Variants in SYT10 observed in about 807,000 individuals in gnomAD.
SYT10 encodes synaptotagmin 10.
SYT10 carries 31 observed loss-of-function variants against 51.1 expected under a neutral mutation model. The ratio of observed to expected loss-of-function variants is 0.61; its 90% CI spans 0.46 to 0.82. The LOEUF is 0.82. Among genes scored for constraint, SYT10 ranks in the 40% least tolerant of loss-of-function variants. The pLI is 0.00. For synonymous variants in SYT10, 233 were observed against 225.9 expected (o/e 1.03, Z -0.28); for missense variants, 603 against 634.0 (o/e 0.95, Z 0.53).
rs779219152 is a variant in SYT10, at chr12:33,407,214, A to C, written c.652T>G (p.Ser218Ala). The C allele has an allele frequency of 1.9e-6, 3 of 1,614,004 alleles. No homozygotes were observed. In the African/African-American group the frequency reaches 4.0e-5, roughly 22 times the overall value. ...RIKPELYKQK[S>A]VDSEGNQNED... ...TTTTGGTTGCCCTCAGAGTCAACTG[A>C]TTTCTGTTTGTAGAGTTCTGGCTTT... Residue 218 changes from serine (S) to alanine (A), a missense_variant, in exon 3 of 7, where the codon TCA (serine) becomes GCA (alanine). Ser to Ala is a moderately conservative substitution (Grantham distance 99, BLOSUM62 1). Transcript: ENST00000228567.
chr12:33,396,918 G>A (rs1294309939), intron 3 of SYT10, among the ~76,000 whole-genome samples: 3 of 152,246 alleles, frequency 2.0e-5, no homozygotes, highest in Middle Eastern at 3.4e-3. Context: ...GATTACAGGC[G>A]TGAGCCACCG....
chr12:33,396,362 A>G (rs1399823244), intron 3 of SYT10, among the ~76,000 whole-genome samples: 1 of 152,248 alleles, frequency 6.6e-6, no homozygotes, highest in Non-Finnish European at 1.5e-5. Flanking sequence ...TATTTTAAAT[A>G]TAAGAGAACA....
At chr12:33,380,424 G>C (rs1866104258) in intron 5 of SYT10, among the ~76,000 whole-genome samples, 2 of 152,082 alleles carry the variant, frequency 1.3e-5, no homozygotes, top group Admixed American at 6.6e-5. Flanking sequence ...TGATACCTCA[G>C]TGTGTTACCA....
intron 3 of SYT10, among the ~76,000 whole-genome samples, chr12:33,389,033 T>G (rs1298484027): frequency 6.6e-6 from 1 of 152,200 alleles, no homozygotes; most frequent in Admixed American, 6.5e-5. Context: ...AAGTAATCAT[T>G]AGGTTGGGCT....
In SYT10 at chr12:33,375,425, A is replaced by T. The variant is rs996617646; in HGVS notation, c.*1405T>A. 3 of 151,932 alleles carry T rather than the reference A, an allele frequency of 2.0e-5. No individual in the cohort carries two copies. The highest frequency in any genetic ancestry group is 2.9e-5 in the Non-Finnish European group (2 of 67,886). 9.4% of individuals were successfully genotyped at this position (151,932 alleles called of 1,614,324 possible). ...TTTTTATTTTCTTGCCTCTTTTTTTAAAAAAACCACCAATTTTGAAATAAG... is the reference window on the plus strand; with the variant it reads ...TTTTTATTTTCTTGCCTCTTTTTTTTAAAAAACCACCAATTTTGAAATAAG... On this transcript the variant is annotated 3_prime_UTR_variant, in exon 7 of 7. Transcript: ENST00000228567.
At chr12:33,403,345 C>T (rs770153562) in intron 3 of SYT10, among the ~76,000 whole-genome samples, 2 of 151,132 alleles carry the variant, frequency 1.3e-5, no homozygotes, top group Non-Finnish European at 2.9e-5. Flanking sequence ...GATTCTCCTG[C>T]CTCAGCCTCC....
At chr12:33,422,231 C>G (rs1866511732) in intron 2 of SYT10, among the ~76,000 whole-genome samples, 1 of 152,086 alleles carries the variant, frequency 6.6e-6, no homozygotes, top group Admixed American at 6.6e-5. Flanking sequence ...AGTATAACAG[C>G]TTTAATGACT....
At chr12:33,407,914 AAT>A (rs2138416562) in intron 2 of SYT10, 1 of 152,392 alleles carries the variant, frequency 6.6e-6, no homozygotes, top group South Asian at 2.1e-4. Flanking sequence ...GTGGCTGGCC[AAT>A]GTTAATTTTC....
rs752312991 is a variant in SYT10 at position 33,382,506 on chromosome 12, CT to C, written c.1212del (p.Val405CysfsTer3). The C allele has an allele frequency of 2.5e-6, 4 of 1,606,428 alleles. No individual in the cohort carries two copies. Among genetic ancestry groups the C allele is most frequent in the Non-Finnish European group, 1.7e-6 (2 of 1,176,980 alleles). On this transcript the variant is annotated frameshift_variant, in exon 5 of 7. Coordinates refer to ENST00000228567, the MANE Select transcript of SYT10 (RefSeq NM_198992.4). LOFTEE classifies it high-confidence loss of function. ...DITGSSDPYV[K>X]VSLMCEGRRL... ...CTTCGACCTTCACACATCAGGGACA[CT>C]TTGACATAAGGATCTAGGAATAAGA...
chr12:33,406,805 A>G lies in SYT10; in HGVS notation c.1061T>C (p.Ile354Thr), dbSNP rs746724273. 6.2e-7 allele frequency: 1 copy of G among 1,610,258 alleles called. No homozygotes were observed. Among genetic ancestry groups the G allele is most frequent in the Non-Finnish European group, 8.5e-7 (1 of 1,178,670 alleles). ...LSREATVWKDIHCATTESIDL... is the reference protein window; with the variant it reads ...LSREATVWKDTHCATTESIDL... ...ACTACTTACTGTGGTAGCACAGTGA[A>G]TATCTTTCCATACTGTGGCTTCCCT... is the stretch of plus-strand genomic sequence containing the variant. Residue 354 changes from isoleucine to threonine, a missense_variant, in exon 3 of 7, where the codon ATT (isoleucine) becomes ACT (threonine). Coordinates refer to ENST00000228567, the MANE Select transcript of SYT10 (RefSeq NM_198992.4).
chr12:33,413,892 T>C (rs1396733447), intron 2 of SYT10, among the ~76,000 whole-genome samples: 2 of 152,132 alleles, frequency 1.3e-5, no homozygotes, highest in South Asian at 2.1e-4. Context: ...GACTGGCTAA[T>C]TGGATAAAGA....
In SYT10 at chr12:33,406,996, CT is replaced by C. The variant is rs747135559; in HGVS notation, c.869del (p.Lys290ArgfsTer3). 12 of 1,614,096 alleles carry C rather than the reference CT, an allele frequency of 7.4e-6. No homozygotes were observed. Among genetic ancestry groups the C allele is most frequent in the Non-Finnish European group, 1.0e-5 (12 of 1,180,026 alleles). On this transcript the variant is annotated frameshift_variant, in exon 3 of 7. Coordinates refer to ENST00000228567, the MANE Select transcript of SYT10 (RefSeq NM_198992.4). LOFTEE classifies it high-confidence loss of function. ...TTTCATCAAATAGAGGATTTAAAGT[CT>C]TTCTGTGCACGCGGGTCTGAAATTT... ...KKKFQTRVHR[K>X]TLNPLFDETF... is the part of the protein sequence containing the mutation.
intron 3 of SYT10, among the ~76,000 whole-genome samples, chr12:33,399,996 C>A (rs1353750157): frequency 6.6e-6 from 1 of 152,148 alleles, no homozygotes; most frequent in Non-Finnish European, 1.5e-5. Flanking sequence ...ATTGTCCCAA[C>A]CTGCAGGTCG....
chr12:33,400,166 T>C (rs1445880936), intron 3 of SYT10, among the ~76,000 whole-genome samples: 1 of 152,204 alleles, frequency 6.6e-6, no homozygotes, highest in African/African-American at 2.4e-5. Flanking sequence ...AGCTGACACA[T>C]ATTTCATAGT....
chr12:33,414,276 GAGAC>G (rs1866434811), intron 2 of SYT10, among the ~76,000 whole-genome samples: 1 of 152,140 alleles, frequency 6.6e-6, no homozygotes, highest in Non-Finnish European at 1.5e-5. Context: ...ACAGATCAAA[GAGAC>G]AGAAAGTTAA....
Position 33,426,209 on chromosome 12 carries a change from A to C in SYT10, c.438T>G (p.Thr146=). The C allele has an allele frequency of 6.2e-7, 1 of 1,613,908 alleles. No individual in the cohort carries two copies. The highest frequency in any genetic ancestry group is 8.5e-7 in the Non-Finnish European group (1 of 1,179,982). ...GTTTAATTAAATGTTCTTTTAAAGC[A>C]GTTTGGACTTCTGCTGGGATGTCAG... ...TSPDIPAEVQ[T]ALKEHLIKHA... The change falls in exon 2 of 7, where the codon ACT becomes ACG. Residue 146 remains threonine, a synonymous_variant. Transcript: ENST00000228567.
intron 2 of SYT10, among the ~76,000 whole-genome samples, chr12:33,420,105 T>C (rs1386157727): frequency 1.3e-5 from 2 of 152,148 alleles, no homozygotes; most frequent in Admixed American, 6.5e-5. Flanking sequence ...ACAACCAGGT[T>C]CATGTACCAC....
Position 33,438,549 on chromosome 12 carries a change from T to A in SYT10, c.151+823A>T, listed in dbSNP as rs576732849. Among the ~76,000 whole-genome samples the A allele has an allele frequency of 3.3e-5, 5 of 152,268 alleles. No homozygotes were observed. In the South Asian group the frequency reaches 8.3e-4, roughly 25 times the overall value. On this transcript the variant is annotated intron_variant, in intron 1 of 6. Coordinates refer to ENST00000228567, the MANE Select transcript of SYT10 (RefSeq NM_198992.4). ...GCCTTGAGGAAAATCCACTTGAGAC[T>A]TTTTTCCATCTCCAGATTTCCGACG... is the stretch of plus-strand genomic sequence containing the variant.
rs1555115324 is a variant in SYT10, at chr12:33,400,578, CA to C, written c.1077+6210del. On this transcript the variant is annotated intron_variant, in intron 3 of 6. Transcript: ENST00000228567. ...TAAAGTGTGTAGAACACAGTTGGTG[CA>C]AAAAAAAAAATTTCATTGAATAGGT... 2.3e-4 allele frequency among the ~76,000 whole-genome samples: 20 copies of C among 86,164 alleles called. No homozygotes were observed. In the East Asian group the frequency reaches 2.7e-3, roughly 11 times the overall value. 56.5% of individuals were successfully genotyped at this position (86,164 alleles called of 152,430 possible).
Sources: allele counts gnomAD v4.1 joint callset (sites outside exome capture counted in the v4.1 genomes callset), GRCh38; gene constraint gnomAD v4.1.1; transcripts MANE v1.5; gene names NCBI Gene and HGNC (gene_info 2026-07-23, HGNC 2026-07-21).